Variants in ERAP1 observed in about 807,000 individuals in gnomAD.
ERAP1 encodes the protein endoplasmic reticulum aminopeptidase 1, also known as adipocyte-derived leucine aminopeptidase.
In ERAP1, 86 loss-of-function variants were observed where a neutral mutation model predicts 103.7. The observed-to-expected ratio is 0.83, with a 90% confidence interval of 0.70 to 0.99. The LOEUF (loss-of-function observed/expected upper bound fraction) is 0.99, where lower values mean the gene tolerates loss of function less well. Among genes scored for constraint, ERAP1 ranks in the 50% least tolerant of loss-of-function variants. The probability of loss-of-function intolerance (pLI) is 0.00; values close to 1 mark genes in which losing one functional copy is unlikely to be tolerated. For synonymous variants in ERAP1, 398 were observed against 402.4 expected, an observed-to-expected ratio of 0.99 and a Z score of 0.13; for missense variants, 1,009 against 1,128.4, an observed-to-expected ratio of 0.89 and a Z score of 1.52.
Position 96,774,774 on chromosome 5 carries a change from A to G in ERAP1, c.*1622T>C. The G allele has an allele frequency of 5.1e-6, 5 of 984,232 alleles. No homozygotes were observed. Among genetic ancestry groups the G allele is most frequent in the Non-Finnish European group, 6.0e-6 (5 of 828,710 alleles). 61.0% of individuals were successfully genotyped at this position (984,232 alleles called of 1,614,324 possible). ...TTCTATTTTTATTAAACCATTCACTACAACAAATAAGTATAAAAATTCCAA... is the reference window on the plus strand; with the variant it reads ...TTCTATTTTTATTAAACCATTCACTGCAACAAATAAGTATAAAAATTCCAA... On this transcript the variant is annotated 3_prime_UTR_variant, in exon 19 of 19. Transcript: ENST00000443439.
the ERAP1 span, among the ~76,000 whole-genome samples, chr5:96,854,743 A>G: frequency 6.6e-6 from 1 of 152,330 alleles, no homozygotes; most frequent in African/African-American, 2.4e-5. Context: ...AATTTCAGTC[A>G]TTCCAACCCT....
In ERAP1 at chr5:96,775,280, TCAAAGC is replaced by T. The variant is rs2150865484; in HGVS notation, c.*1110_*1115del. 2 of 942,104 alleles carry T rather than the reference TCAAAGC, an allele frequency of 2.1e-6. No individual in the cohort carries two copies. The highest frequency in any genetic ancestry group is 3.6e-5 in the African/African-American group (2 of 55,748). The allele number at this position is 942,104 out of a possible 1,614,324, so 58.4% of individuals were successfully genotyped here. On this transcript the variant is annotated 3_prime_UTR_variant, in exon 19 of 19. Coordinates refer to ENST00000443439, the MANE Select transcript of ERAP1 (RefSeq NM_001040458.3). ...AGTCTTCACAAAAGAAAGAAAGACT[TCAAAGC>T]CAAAGAATGTCCTATTTGCTAATAT... is the stretch of plus-strand genomic sequence containing the variant.
At chr5:96,824,648 T>G in the ERAP1 span, among the ~76,000 whole-genome samples, 9 of 152,230 alleles carry the variant, frequency 5.9e-5, no homozygotes, top group Non-Finnish European at 1.5e-5. Flanking sequence ...TGCCAACAAT[T>G]GGACTTCAAC....
At chr5:96,886,581 C>T in the ERAP1 span, 156 of 1,302,642 alleles carry the variant, frequency 1.2e-4, no homozygotes, top group Non-Finnish European at 1.5e-4. Flanking sequence ...TCTAACTCAC[C>T]TGCCATAAGT....
chr5:96,839,500 T>A, the ERAP1 span, among the ~76,000 whole-genome samples: 1 of 152,246 alleles, frequency 6.6e-6, no homozygotes, highest in African/African-American at 2.4e-5. Flanking sequence ...TCTAAGGATT[T>A]AGAGGTTACC....
intron 10 of ERAP1, 71 bp downstream of exon 10, chr5:96,790,225 A>G: frequency 7.1e-7 from 1 of 1,408,048 alleles, no homozygotes; most frequent in East Asian, 2.3e-5. Context: ...AGTTTGGCAC[A>G]GAGCTGCCTT....
chr5:96,794,114 T>A (rs1044968943), intron 5 of ERAP1, among the ~76,000 whole-genome samples, 157 bp from the exon 6 acceptor site: 1 of 150,932 alleles, frequency 6.6e-6, no homozygotes, highest in Non-Finnish European at 1.5e-5. Flanking sequence ...AAAAGAGGCT[T>A]AGTGACTCAG....
At chr5:96,911,510 T>C in the ERAP1 span, among the ~76,000 whole-genome samples, 2 of 151,932 alleles carry the variant, frequency 1.3e-5, no homozygotes, top group African/African-American at 4.8e-5. Flanking sequence ...AATTATAAAA[T>C]AACTAGACAC....
the ERAP1 span, among the ~76,000 whole-genome samples, chr5:96,816,728 C>G: frequency 6.6e-6 from 1 of 152,206 alleles, no homozygotes; most frequent in African/African-American, 2.4e-5. Flanking sequence ...GCAAAACCCA[C>G]AGAAGACTTC....
At chr5:96,912,642 C>T in the ERAP1 span, 3 of 1,604,642 alleles carry the variant, frequency 1.9e-6, no homozygotes, top group East Asian at 2.3e-5. Context: ...TACAGTATAC[C>T]AACAGATGTT....
chr5:96,797,422 G>A, intron 3 of ERAP1, 113 bp from the exon 4 acceptor site: 1 of 1,228,608 alleles, frequency 8.1e-7, no homozygotes, highest in Non-Finnish European at 1.2e-6. Context: ...CCCAGCACTT[G>A]GGGAGTCCGA....
the ERAP1 span, among the ~76,000 whole-genome samples, chr5:96,836,493 C>T: frequency 3.7e-4 from 57 of 152,282 alleles, no homozygotes; most frequent in East Asian, 3.5e-3. Context: ...TGAGCCACCA[C>T]GCCTGGTCCA....
At chr5:96,862,339 C>T in the ERAP1 span, among the ~76,000 whole-genome samples, 4 of 152,162 alleles carry the variant, frequency 2.6e-5, no homozygotes, top group Non-Finnish European at 4.4e-5. Context: ...GTGGACAAGA[C>T]ATTGCTACCC....
chr5:96,795,131 T>C lies in ERAP1; in HGVS notation c.830A>G (p.Asn277Ser). 10 of 1,613,896 alleles carry C rather than the reference T, an allele frequency of 6.2e-6. No individual in the cohort carries two copies. Among genetic ancestry groups the C allele is most frequent in the Non-Finnish European group, 8.5e-6 (10 of 1,179,984 alleles). Residue 277 changes from asparagine to serine, a missense_variant, in exon 5 of 19, where the codon AAT (asparagine) becomes AGT (serine). This residue lies in a region of ERAP1 where 392 missense variants were observed against 455.2 expected (regional missense o/e 0.86). Transcript: ENST00000443439. Reference protein sequence around the residue: ...VSVYAVPDKINQADYALDAAV... With the variant: ...VSVYAVPDKISQADYALDAAV... ...AGCATCCAGTGCATAATCTGCTTGA[T>C]TTATCTTGTCTGGCACAGCATAAAC...
the ERAP1 span, among the ~76,000 whole-genome samples, chr5:96,818,149 G>A: frequency 6.6e-6 from 1 of 152,188 alleles, no homozygotes; most frequent in Non-Finnish European, 1.5e-5. Flanking sequence ...GGGCACTTGG[G>A]AGTGAGATGA....
At chr5:96,878,913 G>A in the ERAP1 span, among the ~76,000 whole-genome samples, 5 of 152,126 alleles carry the variant, frequency 3.3e-5, no homozygotes, top group African/African-American at 1.2e-4. Context: ...GGACAACAGC[G>A]AGATTCCGTC....
intron 1 of ERAP1, among the ~76,000 whole-genome samples, 185 bp downstream of exon 1, chr5:96,807,675 C>T (rs1778795889): frequency 6.7e-6 from 1 of 149,134 alleles, no homozygotes; most frequent in South Asian, 2.1e-4. Context: ...GTCTCGCGCC[C>T]CGTCGCCTTC....
Position 96,803,412 on chromosome 5 carries a change from C to T in ERAP1, c.515G>A (p.Gly172Glu). Residue 172 changes from glycine (G) to glutamate (E), a missense_variant, in exon 2 of 19, where the codon GGG becomes GAG. Physicochemically the swap from Gly to Glu is moderately conservative, Grantham distance 98. Transcript: ENST00000443439. Reference sequence around the variant, plus strand: ...AGAGAAAAAAAAATACCTCAGTTCCCCTTCCTTGGTTCTGTAGGTGCTTTT... The same window carrying T: ...AGAGAAAAAAAAATACCTCAGTTCCTCTTCCTTGGTTCTGTAGGTGCTTTT... ...FYKSTYRTKE[G>E]ELRILASTQF... is the part of the protein sequence containing the mutation. The T allele has an allele frequency of 6.2e-7, 1 of 1,613,188 alleles. No individual in the cohort carries two copies. Among genetic ancestry groups the T allele is most frequent in the East Asian group, 2.2e-5 (1 of 44,890 alleles).
rs1287904344 is a variant in ERAP1, at chr5:96,768,398, A to G, written c.2819-5170T>C. ...TGCGCCTGGCCCTTACAATTTTTAA[A>G]CTGTAGAATGAATCAAACGATGATA... On this transcript the variant is annotated intron_variant, in intron 19 of 19. Transcript: ENST00000296754. The G allele has an allele frequency of 8.8e-6, 4 of 456,248 alleles. No homozygotes were observed. In the East Asian group the frequency reaches 2.8e-4, roughly 32 times the overall value. 28.3% of individuals were successfully genotyped at this position (456,248 alleles called of 1,614,324 possible).
Sources: allele counts gnomAD v4.1 joint callset (sites outside exome capture counted in the v4.1 genomes callset), GRCh38; gene constraint gnomAD v4.1.1; regional missense constraint gnomAD v4.1.1; transcripts MANE v1.5; gene names NCBI Gene and HGNC (gene_info 2026-07-23, HGNC 2026-07-21).